Variants in CRACR2A observed in about 807,000 individuals in gnomAD.
CRACR2A encodes EF-hand calcium-binding domain-containing protein 4B.
In CRACR2A, 79 loss-of-function variants were observed where a neutral mutation model predicts 90.5. That is an observed-to-expected ratio of 0.87 (90% CI 0.73 to 1.05). CRACR2A has a LOEUF of 1.05. Among genes scored for constraint, CRACR2A ranks in the 50% least tolerant of loss-of-function variants. CRACR2A has a pLI of 0.00. For missense variants in CRACR2A, 823 were observed against 897.2 expected (o/e 0.92, Z 1.06); for synonymous variants, 338 against 356.7 (o/e 0.95, Z 0.59).
At chr12:3,720,031 A>G (rs1946132322) in intron 2 of CRACR2A, among the ~76,000 whole-genome samples, 1 of 151,846 alleles carries the variant, frequency 6.6e-6, no homozygotes, top group South Asian at 2.1e-4. Context: ...AGGCAGGAGA[A>G]TCGCTTGAAC....
At chr12:3,647,165 C>A (rs1024056651) in intron 11 of CRACR2A, among the ~76,000 whole-genome samples, 1 of 150,158 alleles carries the variant, frequency 6.7e-6, no homozygotes, top group South Asian at 2.1e-4. Context: ...ACCGTCCCAC[C>A]CCTACCCTCC....
intron 7 of CRACR2A, among the ~76,000 whole-genome samples, chr12:3,671,863 T>C (rs1384241267): frequency 6.6e-6 from 1 of 152,248 alleles, no homozygotes; most frequent in Non-Finnish European, 1.5e-5. Context: ...CTCTGTGAGA[T>C]GGATACTGTC....
chr12:3,698,750 G>T (rs905346537), intron 3 of CRACR2A, among the ~76,000 whole-genome samples: 2 of 152,154 alleles, frequency 1.3e-5, no homozygotes, highest in African/African-American at 4.8e-5. Context: ...GAAGCCTGAG[G>T]GGGCAGGGCT....
chr12:3,720,624 A>G (rs1322274854), intron 2 of CRACR2A, among the ~76,000 whole-genome samples: 1 of 152,106 alleles, frequency 6.6e-6, no homozygotes, highest in Non-Finnish European at 1.5e-5. Context: ...CTTTGCATTG[A>G]CCTGTGGCGT....
chr12:3,712,511 CTT>C (rs1473180160), intron 3 of CRACR2A, among the ~76,000 whole-genome samples: 1 of 152,064 alleles, frequency 6.6e-6, no homozygotes, highest in African/African-American at 2.4e-5. Flanking sequence ...GTACCACACA[CTT>C]TTAAATGACC....
chr12:3,641,213 G>A (rs527745620), intron 13 of CRACR2A, among the ~76,000 whole-genome samples: 28 of 152,216 alleles, frequency 1.8e-4, no homozygotes, highest in African/African-American at 6.0e-4. Context: ...GCGTGGTGGC[G>A]CACCTCTGTA....
intron 3 of CRACR2A, among the ~76,000 whole-genome samples, chr12:3,697,858 T>C (rs760245371): frequency 6.6e-6 from 1 of 152,210 alleles, no homozygotes; most frequent in Non-Finnish European, 1.5e-5. Context: ...TCACAAATCA[T>C]ACACTTCAAT....
intron 11 of CRACR2A, 58 bp from the exon 12 acceptor site, chr12:3,644,698 C>T (rs535207446): frequency 5.2e-5 from 78 of 1,510,356 alleles, no homozygotes; most frequent in East Asian, 5.2e-4. Flanking sequence ...ACAGATCCAA[C>T]GGCAGCCAAT....
intron 4 of CRACR2A, 87 bp from the exon 5 acceptor site, chr12:3,680,436 G>A: frequency 8.5e-7 from 1 of 1,173,702 alleles, no homozygotes; most frequent in Non-Finnish European, 1.2e-6. Flanking sequence ...CTGCCAGAAA[G>A]TGTCTAGAGT....
chr12:3,693,980 G>T (rs1945696092), intron 4 of CRACR2A, among the ~76,000 whole-genome samples: 1 of 152,158 alleles, frequency 6.6e-6, no homozygotes, highest in Admixed American at 6.5e-5. Context: ...GGTTCCAGGG[G>T]CCCGTGGAGA....
At chr12:3,739,296 CAG>C (rs889896748) in intron 1 of CRACR2A, among the ~76,000 whole-genome samples, 1 of 152,204 alleles carries the variant, frequency 6.6e-6, no homozygotes, top group African/African-American at 2.4e-5. Context: ...CTTAATCTGT[CAG>C]AGTCTTGATT....
At chr12:3,735,295 C>G (rs1946433093) in intron 1 of CRACR2A, among the ~76,000 whole-genome samples, 1 of 152,058 alleles carries the variant, frequency 6.6e-6, no homozygotes, top group South Asian at 2.1e-4. Flanking sequence ...GGAGGCAAAT[C>G]CTAGGACAGG....
intron 4 of CRACR2A, among the ~76,000 whole-genome samples, chr12:3,685,249 C>T (rs946278245): frequency 2.0e-5 from 3 of 152,186 alleles, no homozygotes; most frequent in African/African-American, 7.2e-5. Flanking sequence ...CGTTTCTTTT[C>T]TCTAAGACAG....
rs542164953 is a variant in CRACR2A, at chr12:3,727,670, G to A, written c.-118+5272C>T. 8 of 152,212 alleles carry A rather than the reference G, an allele frequency of 5.3e-5. No homozygotes were observed. The East Asian group carries it at 7.7e-4, about 15-fold the overall frequency. The allele number at this position is 152,212 out of a possible 1,614,324, so 9.4% of individuals were successfully genotyped here. A position where few individuals can be genotyped will look rare whatever the true frequency, so the allele number is the denominator to read the frequency against. ...CTAAAACAACCATTTCCTAAATACC[G>A]GGCTTTTGGCTTAACTTCTTTGAAA... is the stretch of plus-strand genomic sequence containing the variant. On this transcript the variant is annotated intron_variant, in intron 2 of 19. Coordinates refer to ENST00000440314, the MANE Select transcript of CRACR2A (RefSeq NM_001144958.2).
At chr12:3,730,060 G>A (rs1946336886) in intron 2 of CRACR2A, 1 of 152,246 alleles carries the variant, frequency 6.6e-6, no homozygotes, top group Admixed American at 6.5e-5. Context: ...GACATGGCAA[G>A]GCAGGGGCTG....
At chr12:3,717,761 G>T (rs1322181188) in intron 2 of CRACR2A, among the ~76,000 whole-genome samples, 1 of 152,200 alleles carries the variant, frequency 6.6e-6, no homozygotes, top group East Asian at 1.9e-4. Context: ...CTGGTTGACA[G>T]CTGTGGAGGG....
rs1946634227 is a variant in CRACR2A, at chr12:3,746,780, A to T, written c.-387+6235T>A. On this transcript the variant is annotated intron_variant, in intron 1 of 19. Transcript: ENST00000440314. The surrounding 1 kb of genome is among the most constrained non-coding windows in gnomAD (Gnocchi z 4.4). ...GCCTCCTGGAGAATTTCAATCCAAG[A>T]CAAGCACAACAAGTTGTGAAGGACC... is the stretch of plus-strand genomic sequence containing the variant. Among the ~76,000 whole-genome samples the T allele has an allele frequency of 6.6e-6, 1 of 152,226 alleles. No individual in the cohort carries two copies. Among genetic ancestry groups the T allele is most frequent in the Non-Finnish European group, 1.5e-5 (1 of 68,030 alleles).
chr12:3,673,608 C>T lies in CRACR2A; in HGVS notation c.525-16G>A, dbSNP rs779501011. On this transcript the variant is annotated splice_polypyrimidine_tract_variant and intron_variant, in intron 6 of 19. Transcript: ENST00000440314. Reference sequence around the variant, plus strand: ...ATCACTTTCACTGCAAGAGAAGGGACGCTCATGTGGAAGTGTGGAGATGAG... The same window carrying T: ...ATCACTTTCACTGCAAGAGAAGGGATGCTCATGTGGAAGTGTGGAGATGAG... 118 of 1,610,810 alleles carry T rather than the reference C, an allele frequency of 7.3e-5. No homozygotes were observed. Among genetic ancestry groups the T allele is most frequent in the Non-Finnish European group, 9.0e-5 (106 of 1,179,324 alleles).
Position 3,638,228 on chromosome 12 carries a change from C to G in CRACR2A, c.1498G>C (p.Val500Leu). The G allele has an allele frequency of 6.4e-7, 1 of 1,551,674 alleles. No homozygotes were observed. Among genetic ancestry groups the G allele is most frequent in the Non-Finnish European group, 8.7e-7 (1 of 1,146,990 alleles). The change falls in exon 14 of 20, where the codon GTC becomes CTC. Residue 500 changes from valine to leucine, a missense_variant. Transcript: ENST00000440314. Reference protein sequence around the residue: ...PLSKCSEEEEVSDQGVQGQIP... With the variant: ...PLSKCSEEEELSDQGVQGQIP... ...TGTCCCTGTACCCCCTGGTCAGAGA[C>G]CTCTTCCTCTTCTGAGCATTTGCTC...
Sources: gnomAD v4.1 joint callset for allele counts (sites outside exome capture counted in the v4.1 genomes callset) on GRCh38, gnomAD v4.1.1 for gene constraint, Gnocchi (gnomAD v3.1) non-coding constraint, MANE v1.5 for transcripts, NCBI Gene and HGNC (gene_info 2026-07-23, HGNC 2026-07-21) for gene names.